The following HSPG2 variants were observed in gnomAD, a reference collection of about 807,000 sequenced individuals.
HSPG2 encodes the protein heparan sulfate proteoglycan 2.
In HSPG2, 278 loss-of-function variants were observed where a neutral mutation model predicts 526.6. That is an observed-to-expected ratio of 0.53 (90% CI 0.48 to 0.58). The LOEUF (loss-of-function observed/expected upper bound fraction) is 0.58, where lower values mean the gene tolerates loss of function less well. Among genes scored for constraint, HSPG2 ranks in the 20% least tolerant of loss-of-function variants. HSPG2 has a pLI of 0.00. For missense variants in HSPG2, 5,354 were observed against 6,099.5 expected (o/e 0.88, Z 4.07); for synonymous variants, 2,465 against 2,555.4 (o/e 0.96, Z 1.07).
At chr1:21,913,419 T>A (rs538495814) in intron 1 of HSPG2, among the ~76,000 whole-genome samples, 3 of 152,132 alleles carry the variant, frequency 2.0e-5, no homozygotes, top group African/African-American at 7.2e-5. Flanking sequence ...GGGACTCGGG[T>A]TACCGGAAAT....
chr1:21,861,832 G>A lies in HSPG2; in HGVS notation c.4880C>T (p.Thr1627Ile), dbSNP rs936763630. ...CCCGCCGGCTCCCAGGCTCTCACAG[G>A]TGCGGGAAAACCTGGGATCGGGGAG... ...LTNPENMFSR[T>I]CESLGAGGYR... Residue 1627 changes from threonine to isoleucine, a missense_variant, in exon 39 of 97, where the codon ACC (threonine) becomes ATC (isoleucine). Transcript: ENST00000374695. 1 of 1,613,714 alleles carries A rather than the reference G, an allele frequency of 6.2e-7. No individual in the cohort carries two copies. The highest frequency in any genetic ancestry group is 1.3e-5 in the African/African-American group (1 of 75,066).
chr1:21,865,205 G>A lies in HSPG2; in HGVS notation c.4395+80C>T, dbSNP rs1640130429. On this transcript the variant is annotated intron_variant, in intron 35 of 96. Transcript: ENST00000374695. This position sits in a 1 kb window ranked among gnomAD's most constrained non-coding sequence, Gnocchi z 5.4. ...GGTGAAGGTTGGGGAGCGAGAGACA[G>A]GGTGGGTATCAAAGCCAGGCTCTGA... The A allele has an allele frequency of 1.1e-5, 17 of 1,527,380 alleles. No homozygotes were observed. The highest frequency in any genetic ancestry group is 1.5e-5 in the Non-Finnish European group (17 of 1,101,110). 94.6% of individuals were successfully genotyped at this position (1,527,380 alleles called of 1,614,324 possible). A position where few individuals can be genotyped will look rare whatever the true frequency, so the allele number is the denominator to read the frequency against.
At chr1:21,844,325 A>G (rs1437086717) in intron 64 of HSPG2, 26 bp from the exon 65 acceptor site, 1 of 1,601,768 alleles carries the variant, frequency 6.2e-7, no homozygotes, top group Non-Finnish European at 8.5e-7. Flanking sequence ...GAGGTCAGTG[A>G]GCTGAGATGC....
intron 91 of HSPG2, chr1:21,825,341 C>G (rs2152684869): frequency 1.2e-5 from 2 of 173,286 alleles, no homozygotes; most frequent in South Asian, 2.7e-4. Flanking sequence ...ATTCTACTTG[C>G]CAAATTCTGT....
Position 21,874,405 on chromosome 1 carries a change from C to T in HSPG2, c.3656+1G>A. ...CAGGTGCAGGCAGGGACTGGACGCA[C>T]TGGCCGGCAGCAGGGTCTCCGTAGC... On this transcript the variant is annotated splice_donor_variant, in intron 28 of 96. Transcript: ENST00000374695. LOFTEE classifies it high-confidence loss of function. 1.9e-6 allele frequency: 3 copies of T among 1,611,284 alleles called. No individual in the cohort carries two copies. The highest frequency in any genetic ancestry group is 1.1e-5 in the South Asian group (1 of 90,914).
chr1:21,884,456 T>A, intron 13 of HSPG2, 72 bp downstream of exon 13: 1 of 1,590,340 alleles, frequency 6.3e-7, no homozygotes, highest in Non-Finnish European at 8.6e-7. Flanking sequence ...TCCGCATCTA[T>A]CCTCTGTGCC....
chr1:21,855,670 G>A lies in HSPG2; in HGVS notation c.5707C>T (p.Pro1903Ser). 1 of 1,576,766 alleles carries A rather than the reference G, an allele frequency of 6.3e-7. No homozygotes were observed. Among genetic ancestry groups the A allele is most frequent in the Non-Finnish European group, 8.6e-7 (1 of 1,164,030 alleles). ...GCCTTCGCAGGGAGCTGGCCGCCGGGGCCCCCTGACGAGTAGACGTGGGGT... is the reference window on the plus strand; with the variant it reads ...GCCTTCGCAGGGAGCTGGCCGCCGGAGCCCCCTGACGAGTAGACGTGGGGT... ...PTPTLEWTGG[P>S]GGQLPAKAQI... The change falls in exon 46 of 97, where the codon CCC (proline) becomes TCC (serine). Residue 1903 changes from proline (P) to serine (S), a missense_variant. Coordinates refer to ENST00000374695, the MANE Select transcript of HSPG2 (RefSeq NM_005529.7).
Position 21,829,400 on chromosome 1 carries a change from C to A in HSPG2, c.11975G>T (p.Arg3992Leu), listed in dbSNP as rs764827758. Residue 3992 changes from arginine to leucine, a missense_variant, in exon 87 of 97, where the codon CGC becomes CTC. By Grantham distance (102) the Arg-to-Leu change is moderately radical (BLOSUM62 -2). Transcript: ENST00000374695. Reference sequence around the variant, plus strand: ...GTGCTTACCTGACCCCAACTCATAGCGGAACTCCAGGTGGCCGCCCACCAT... The same window carrying A: ...GTGCTTACCTGACCCCAACTCATAGAGGAACTCCAGGTGGCCGCCCACCAT... ...LAMVGGHLEF[R>L]YELGSGLAVL... The A allele has an allele frequency of 1.2e-6, 2 of 1,613,384 alleles. No individual in the cohort carries two copies. The highest frequency in any genetic ancestry group is 1.7e-6 in the Non-Finnish European group (2 of 1,179,918).
In HSPG2 at chr1:21,893,113, C is replaced by A. The variant is rs1458579131; in HGVS notation, c.245-2419G>T. ...AGCCCTGGCCCCGGAGCAGGCTACT[C>A]ACCAACTCCTGATTCCCATCCCTGC... On this transcript the variant is annotated intron_variant, in intron 3 of 96. Coordinates refer to ENST00000374695, the MANE Select transcript of HSPG2 (RefSeq NM_005529.7). The surrounding 1 kb of genome is among the most constrained non-coding windows in gnomAD (Gnocchi z 4.3). Among the ~76,000 whole-genome samples, 2 of 152,150 alleles carry A rather than the reference C, an allele frequency of 1.3e-5. No individual in the cohort carries two copies. Among genetic ancestry groups the A allele is most frequent in the Non-Finnish European group, 2.9e-5 (2 of 68,032 alleles).
At chr1:21,831,930 C>A in intron 81 of HSPG2, 134 bp from the exon 82 acceptor site, 1 of 929,756 alleles carries the variant, frequency 1.1e-6, no homozygotes, top group East Asian at 2.5e-5. Context: ...TGGGGCTGTT[C>A]CCGTTCCTGT....
chr1:21,884,263 G>A (rs1380675117), intron 13 of HSPG2, among the ~76,000 whole-genome samples: 3 of 152,136 alleles, frequency 2.0e-5, no homozygotes, highest in South Asian at 2.1e-4. Context: ...CAGCGTCCAC[G>A]TCAGGATCTG....
At position 21,840,006 on chromosome 1, in the gene HSPG2, A is replaced by C. The variant is rs1341553985; in HGVS notation, c.9525T>G (p.Ala3175=). 6.2e-7 allele frequency: 1 copy of C among 1,614,218 alleles called. No homozygotes were observed. Among genetic ancestry groups the C allele is most frequent in the Admixed American group, 1.7e-5 (1 of 60,030 alleles). The change falls in exon 72 of 97, where the codon GCT becomes GCG. Residue 3175 remains alanine (A), a synonymous_variant. Coordinates refer to ENST00000374695, the MANE Select transcript of HSPG2 (RefSeq NM_005529.7). ...DSHAVLQISS[A]KPSDAGTYVC... is the part of the protein sequence containing the mutation. ...CATAAGTGCCCGCATCTGATGGTTTAGCTGATGAAATCTGGGAGAAAGCAA... is the reference window on the plus strand; with the variant it reads ...CATAAGTGCCCGCATCTGATGGTTTCGCTGATGAAATCTGGGAGAAAGCAA...
Position 21,887,188 on chromosome 1 carries a change from G to A in HSPG2, c.1078+27C>T, listed in dbSNP as rs556472041. 1 of 1,580,566 alleles carries A rather than the reference G, an allele frequency of 6.3e-7. No homozygotes were observed. The highest frequency in any genetic ancestry group is 8.6e-7 in the Non-Finnish European group (1 of 1,161,490). On this transcript the variant is annotated intron_variant, in intron 9 of 96. Transcript: ENST00000374695. This position sits in a 1 kb window ranked among gnomAD's most constrained non-coding sequence, Gnocchi z 5.0. ...CAAGCGGCCTGGGCAGGGCAAGGGG[G>A]CCTCAGCTGGACCCTCGGATACTCA...
At chr1:21,885,637 A>G (rs1466065469) in intron 9 of HSPG2, among the ~76,000 whole-genome samples, 186 bp from the exon 10 acceptor site, 2 of 152,062 alleles carry the variant, frequency 1.3e-5, no homozygotes, top group African/African-American at 4.8e-5. Flanking sequence ...CGAACCACTC[A>G]TCACATTACC....
intron 6 of HSPG2, among the ~76,000 whole-genome samples, chr1:21,889,287 A>C (rs1038279407): frequency 2.6e-5 from 4 of 152,146 alleles, no homozygotes; most frequent in Admixed American, 1.3e-4. Flanking sequence ...GGTCTAGAGA[A>C]AAAAAAGAGA....
chr1:21,935,293 G>C lies in HSPG2; in HGVS notation c.63+1862C>G, dbSNP rs143875378. On this transcript the variant is annotated intron_variant, in intron 1 of 96. Coordinates refer to ENST00000374695, the MANE Select transcript of HSPG2 (RefSeq NM_005529.7). ...CACCAGCAGCCTGGGGTGGGACAGC[G>C]ACCCTCCATGTGTTGCTGAGAAGGC... Among the ~76,000 whole-genome samples, 40 of 152,286 alleles carry C rather than the reference G, an allele frequency of 2.6e-4. No homozygotes were observed. In the East Asian group the frequency reaches 7.7e-3, roughly 29 times the overall value.
At position 21,823,755 on chromosome 1, in the gene HSPG2, C is replaced by A. The variant is rs541223186; in HGVS notation, c.12900-36G>T. On this transcript the variant is annotated intron_variant, in intron 95 of 96. Coordinates refer to ENST00000374695, the MANE Select transcript of HSPG2 (RefSeq NM_005529.7). Reference sequence around the variant, plus strand: ...ACTGGGTCAGGCCCCTTTCCACAAACTTCCTGGTCCTCCCCGGCCCCACGA... The same window carrying A: ...ACTGGGTCAGGCCCCTTTCCACAAAATTCCTGGTCCTCCCCGGCCCCACGA... 11 of 1,540,160 alleles carry A rather than the reference C, an allele frequency of 7.1e-6. No individual in the cohort carries two copies. In the East Asian group the frequency reaches 2.0e-4, roughly 28 times the overall value.
chr1:21,858,449 C>G lies in HSPG2; in HGVS notation c.5294-1064G>C, dbSNP rs1639515141. Among the ~76,000 whole-genome samples, 1 of 152,240 alleles carries G rather than the reference C, an allele frequency of 6.6e-6. No individual in the cohort carries two copies. The highest frequency in any genetic ancestry group is 2.4e-5 in the African/African-American group (1 of 41,466). ...CACACTCTCCCTAGGTGACTTCATC[C>G]TGTCCCATAGCTTTGAACACCATCC... On this transcript the variant is annotated intron_variant, in intron 42 of 96. Transcript: ENST00000374695. This position sits in a 1 kb window ranked among gnomAD's most constrained non-coding sequence, Gnocchi z 4.2.
intron 55 of HSPG2, among the ~76,000 whole-genome samples, chr1:21,850,706 A>C (rs961363095): frequency 1.3e-5 from 2 of 152,226 alleles, no homozygotes; most frequent in Non-Finnish European, 2.9e-5. Flanking sequence ...CTCACACCAC[A>C]TCCCATCAAT....
Sources: gnomAD v4.1 joint callset for allele counts (sites outside exome capture counted in the v4.1 genomes callset) on GRCh38, gnomAD v4.1.1 for gene constraint, Gnocchi (gnomAD v3.1) non-coding constraint, MANE v1.5 for transcripts, NCBI Gene and HGNC (gene_info 2026-07-23, HGNC 2026-07-21) for gene names.